The following PLEKHD1 variants were observed in gnomAD, a reference collection of about 807,000 sequenced individuals.
PLEKHD1 encodes pleckstrin homology domain-containing family D member 1.
A neutral mutation model predicts 69.2 loss-of-function variants in PLEKHD1; 51 were observed. The ratio of observed to expected loss-of-function variants is 0.74; its 90% CI spans 0.59 to 0.93. PLEKHD1 has a LOEUF of 0.93. Among genes scored for constraint, PLEKHD1 ranks in the 40% least tolerant of loss-of-function variants. PLEKHD1 has a pLI of 0.00. For missense variants in PLEKHD1, 584 were observed against 641.0 expected, an observed-to-expected ratio of 0.91 and a Z score of 0.96; for synonymous variants, 236 against 244.7, an observed-to-expected ratio of 0.96 and a Z score of 0.33.
chr14:69,487,671 C>T (rs1316190556), intron 1 of PLEKHD1, among the ~76,000 whole-genome samples: 1 of 152,208 alleles, frequency 6.6e-6, no homozygotes, highest in Non-Finnish European at 1.5e-5. Flanking sequence ...CAACTTATTT[C>T]CTGGGGGCAA....
the PLEKHD1 span, among the ~76,000 whole-genome samples, chr14:69,470,479 C>A: frequency 6.6e-6 from 1 of 151,142 alleles, no homozygotes; most frequent in Non-Finnish European, 1.5e-5. Flanking sequence ...TAGTAAATGG[C>A]TGAGTTGGTA....
At chr14:69,469,009 A>G in the PLEKHD1 span, among the ~76,000 whole-genome samples, 3 of 152,248 alleles carry the variant, frequency 2.0e-5, no homozygotes, top group African/African-American at 7.2e-5. Context: ...TTCAAAACAC[A>G]TAGAAGTGAA....
chr14:69,471,675 A>C, the PLEKHD1 span, among the ~76,000 whole-genome samples: 1 of 152,136 alleles, frequency 6.6e-6, no homozygotes, highest in Non-Finnish European at 1.5e-5. Flanking sequence ...CCAGTCATTC[A>C]GAATCATGCT....
chr14:69,469,111 A>AG, the PLEKHD1 span, among the ~76,000 whole-genome samples: 754 of 152,274 alleles, frequency 5.0e-3, 7 homozygotes, highest in African/African-American at 0.018. Context: ...CCCTGAGAGA[A>AG]GCTGGCTTTG....
chr14:69,475,877 A>T, the PLEKHD1 span, among the ~76,000 whole-genome samples: 1 of 152,168 alleles, frequency 6.6e-6, no homozygotes, highest in Non-Finnish European at 1.5e-5. Flanking sequence ...CTGCGCAGGT[A>T]GAGGAGCCCA....
chr14:69,525,854 G>T (rs1883632303), intron 8 of PLEKHD1, 90 bp from the exon 9 acceptor site: 5 of 1,242,414 alleles, frequency 4.0e-6, no homozygotes, highest in Non-Finnish European at 5.6e-6. Flanking sequence ...AGAGGAGTGG[G>T]TCACTCCCCC....
chr14:69,521,303 T>C (rs1186926303), intron 6 of PLEKHD1, among the ~76,000 whole-genome samples: 5 of 152,190 alleles, frequency 3.3e-5, no homozygotes, highest in African/African-American at 7.2e-5. Flanking sequence ...AGTTTAGAAA[T>C]GGAGGTCATA....
upstream of PLEKHD1, among the ~76,000 whole-genome samples, chr14:69,479,952 G>A (rs1368224227): frequency 6.6e-6 from 1 of 152,178 alleles, no homozygotes; most frequent in Non-Finnish European, 1.5e-5. Context: ...GGAAATGGCA[G>A]CACCTGAACA....
chr14:69,524,434 G>A (rs1883593795), intron 8 of PLEKHD1, 112 bp downstream of exon 8: 1 of 880,908 alleles, frequency 1.1e-6, no homozygotes. Flanking sequence ...AAGAGAAATG[G>A]GCATGGAGGG....
chr14:69,473,431 C>T, the PLEKHD1 span, among the ~76,000 whole-genome samples: 1 of 151,998 alleles, frequency 6.6e-6, no homozygotes, highest in African/African-American at 2.4e-5. Flanking sequence ...CCACCTCTGC[C>T]TCACTTGGTG....
At chr14:69,513,001 G>C (rs1883303768) in intron 6 of PLEKHD1, among the ~76,000 whole-genome samples, 1 of 151,896 alleles carries the variant, frequency 6.6e-6, no homozygotes, top group African/African-American at 2.4e-5. Context: ...GAGGCAGGAG[G>C]ATTACTTGAA....
intron 6 of PLEKHD1, among the ~76,000 whole-genome samples, chr14:69,508,602 C>A (rs994017790): frequency 4.6e-5 from 7 of 152,126 alleles, no homozygotes; most frequent in South Asian, 2.1e-4. Flanking sequence ...TTTGTTGTTG[C>A]CTGCCACAAT....
At position 69,527,175 on chromosome 14, in the gene PLEKHD1, T is replaced by C. The variant is rs558596653; in HGVS notation, c.1057-13T>C. The C allele has an allele frequency of 6.6e-7, 1 of 1,522,942 alleles. No homozygotes were observed. The highest frequency in any genetic ancestry group is 1.4e-5 in the African/African-American group (1 of 71,816). The allele number at this position is 1,522,942 out of a possible 1,614,324, so 94.3% of individuals were successfully genotyped here. On this transcript the variant is annotated splice_polypyrimidine_tract_variant and intron_variant, in intron 10 of 12. Coordinates refer to ENST00000322564, the MANE Select transcript of PLEKHD1 (RefSeq NM_001161498.2). ...ACCTGACTTCCTTCTCATTTCCCTC[T>C]CCTCAACCTCAGGCTGAGGTGAAGG...
At chr14:69,515,777 G>C (rs1194671940) in intron 6 of PLEKHD1, among the ~76,000 whole-genome samples, 1 of 152,176 alleles carries the variant, frequency 6.6e-6, no homozygotes, top group African/African-American at 2.4e-5. Context: ...TTATCACCAA[G>C]GGGATGACCC....
intron 1 of PLEKHD1, among the ~76,000 whole-genome samples, chr14:69,492,855 G>A (rs1253143011): frequency 2.6e-5 from 4 of 152,036 alleles, no homozygotes; most frequent in African/African-American, 4.8e-5. Flanking sequence ...CTGTAGCGTC[G>A]ACCTCCTGGT....
At chr14:69,522,414 G>T (rs767784271) in intron 7 of PLEKHD1, 37 bp downstream of exon 7, 18 of 1,545,840 alleles carry the variant, frequency 1.2e-5, no homozygotes, top group Non-Finnish European at 1.5e-5. Flanking sequence ...GTGCCACTAA[G>T]TTAGGGCATG....
rs903008666 is a variant in PLEKHD1 at position 69,506,620 on chromosome 14, C to T, written c.555+3741C>T. 1.1e-4 allele frequency among the ~76,000 whole-genome samples: 16 copies of T among 152,196 alleles called. 1 individual carries two copies. Among genetic ancestry groups the T allele is most frequent in the African/African-American group, 2.4e-5 (1 of 41,448 alleles). ...TCACAGCAAAACTACGCAGCAAATA[C>T]AGAGATTTTCCACATAACACTTGTT... On this transcript the variant is annotated intron_variant, in intron 6 of 12. Transcript: ENST00000322564.
At chr14:69,523,518 A>G (rs1450022597) in intron 7 of PLEKHD1, among the ~76,000 whole-genome samples, 1 of 152,194 alleles carries the variant, frequency 6.6e-6, no homozygotes, top group Non-Finnish European at 1.5e-5. Context: ...TATTAGAAGG[A>G]ATAGAAGACA....
At chr14:69,499,405 C>T (rs1882972088) in intron 1 of PLEKHD1, among the ~76,000 whole-genome samples, 1 of 152,226 alleles carries the variant, frequency 6.6e-6, no homozygotes, top group South Asian at 2.1e-4. Flanking sequence ...GCCAATCGGA[C>T]CTTCCCCTAG....
Sources: gnomAD v4.1 joint callset for allele counts (sites outside exome capture counted in the v4.1 genomes callset) on GRCh38, gnomAD v4.1.1 for gene constraint, MANE v1.5 for transcripts, NCBI Gene and HGNC (gene_info 2026-07-23, HGNC 2026-07-21) for gene names.